APOBR: variants seen among roughly 807,000 people sequenced by gnomAD.
APOBR encodes apolipoprotein B receptor.
A neutral mutation model predicts 88.5 loss-of-function variants in APOBR; 57 were observed. That is an observed-to-expected ratio of 0.64 (90% CI 0.52 to 0.80). The LOEUF (loss-of-function observed/expected upper bound fraction) is 0.80, where lower values mean the gene tolerates loss of function less well. Ranked by LOEUF, APOBR falls within the 30% of genes least tolerant of loss-of-function variation. The probability of loss-of-function intolerance (pLI) is 0.00; values close to 1 mark genes in which losing one functional copy is unlikely to be tolerated. For synonymous variants in APOBR, 588 were observed against 572.7 expected (o/e 1.03, Z -0.38); for missense variants, 1,443 against 1,401.6 (o/e 1.03, Z -0.47).
Position 28,496,720 on chromosome 16 carries a change from A to C in APOBR, c.1679A>C (p.Lys560Thr). Residue 560 changes from lysine (K) to threonine (T), a missense_variant, in exon 2 of 4, where the codon AAA becomes ACA. Physicochemically the swap from Lys to Thr is moderately conservative, Grantham distance 78. Transcript: ENST00000564831. Reference sequence around the variant, plus strand: ...GGTGGCCTCACACACAGCGTCACCAAAGGCCAAGGACCTGAGCTGATGGGG... The same window carrying C: ...GGTGGCCTCACACACAGCGTCACCACAGGCCAAGGACCTGAGCTGATGGGG... ...EWGGLTHSVT[K>T]GQGPELMGGA... 6.3e-7 allele frequency: 1 copy of C among 1,599,946 alleles called. No individual in the cohort carries two copies. Among genetic ancestry groups the C allele is most frequent in the Non-Finnish European group, 8.5e-7 (1 of 1,173,756 alleles).
In APOBR at chr16:28,496,336, G is replaced by T. The variant is rs1431607020; in HGVS notation, c.1295G>T (p.Gly432Val). The part of the protein sequence containing the change: ...SPFPKQPQVL[G>V]TERTEEAAES... ...TTCCCCAAACAGCCCCAGGTCCTGG[G>T]CACTGAAAGAACAGAAGAGGCTGCT... is the stretch of plus-strand genomic sequence containing the variant. The change falls in exon 2 of 4, where the codon GGC (glycine) becomes GTC (valine). Residue 432 changes from glycine (G) to valine (V), a missense_variant. By Grantham distance (109) the Gly-to-Val change is moderately radical (BLOSUM62 -3). Coordinates refer to ENST00000564831, the MANE Select transcript of APOBR (RefSeq NM_018690.4). 1.0e-5 allele frequency: 16 copies of T among 1,588,548 alleles called. No homozygotes were observed. The highest frequency in any genetic ancestry group is 1.3e-5 in the Non-Finnish European group (15 of 1,167,878).
intron 1 of APOBR, 96 bp downstream of exon 1, chr16:28,494,834 TTC>T: frequency 8.2e-7 from 1 of 1,213,094 alleles, no homozygotes; most frequent in Non-Finnish European, 1.2e-6. Flanking sequence ...CCCCTCCTCC[TTC>T]TGATCTCCTC....
chr16:28,496,269 G>T lies in APOBR; in HGVS notation c.1228G>T (p.Glu410Ter). ...GGCTACTGGAAAAGTCTGGGTCCTA[G>T]AGGAGGAGGGGGATGAGGAGAGAGA... ...LEATGKVWVL[E>*]EEGDEEREAE... The change falls in exon 2 of 4, where the codon GAG becomes TAG. Residue 410 changes from glutamate (E) to a stop codon, truncating the protein, a stop_gained. Coordinates refer to ENST00000564831, the MANE Select transcript of APOBR (RefSeq NM_018690.4). LOFTEE classifies it high-confidence loss of function. 1 of 1,603,744 alleles carries T rather than the reference G, an allele frequency of 6.2e-7. No individual in the cohort carries two copies. Among genetic ancestry groups the T allele is most frequent in the Non-Finnish European group, 8.5e-7 (1 of 1,175,364 alleles).
Position 28,497,172 on chromosome 16 carries a change from G to A in APOBR, c.2131G>A (p.Ala711Thr), listed in dbSNP as rs755090031. The change falls in exon 2 of 4, where the codon GCA becomes ACA. Residue 711 changes from alanine (A) to threonine (T), a missense_variant. By Grantham distance (58) the Ala-to-Thr change is moderately conservative. Coordinates refer to ENST00000564831, the MANE Select transcript of APOBR (RefSeq NM_018690.4). Reference protein sequence around the residue: ...QELDGSTGADAGPCPSLGEAY... With the variant: ...QELDGSTGADTGPCPSLGEAY... ...GCTGGACGGAAGCACAGGGGCAGAC[G>A]CAGGGCCTTGCCCGTCACTGGGAGA... 1.4e-5 allele frequency: 22 copies of A among 1,602,686 alleles called. No homozygotes were observed. Among genetic ancestry groups the A allele is most frequent in the South Asian group, 5.6e-5 (5 of 88,886 alleles).
rs2046393555 is a variant in APOBR at position 28,496,429 on chromosome 16, T to TAGAC, written c.1389_1392dup (p.Leu465ArgfsTer5). 6.2e-7 allele frequency: 1 copy of TAGAC among 1,612,414 alleles called. No homozygotes were observed. Among genetic ancestry groups the TAGAC allele is most frequent in the Admixed American group, 1.7e-5 (1 of 59,838 alleles). On this transcript the variant is annotated frameshift_variant, in exon 2 of 4. Transcript: ENST00000564831. LOFTEE classifies it high-confidence loss of function. ...GCAGGGGAGAGCTTTGAGGGCCAGG[T>TAGAC]AGACCTGCGTGGTAAGGAGGCTGAG...
At chr16:28,494,840 TC>T in intron 1 of APOBR, 102 bp downstream of exon 1, 1 of 1,188,842 alleles carries the variant, frequency 8.4e-7, no homozygotes, top group Middle Eastern at 2.1e-4. Context: ...CTCCTTCTGA[TC>T]TCCTCAAACT....
At position 28,495,185 on chromosome 16, in the gene APOBR, G is replaced by A. The variant is rs747313630; in HGVS notation, c.144G>A (p.Gly48=). 14 of 1,569,588 alleles carry A rather than the reference G, an allele frequency of 8.9e-6. No individual in the cohort carries two copies. The African/African-American group carries it at 1.5e-4, about 17-fold the overall frequency. ...EREAQAAEEL[G]VVAVGKTGKI... is the part of the protein sequence containing the mutation. Reference sequence around the variant, plus strand: ...AGGCGCAGGCGGCTGAGGAACTGGGGGTGGTGGCGGTGGGAAAGACAGGGA... The same window carrying A: ...AGGCGCAGGCGGCTGAGGAACTGGGAGTGGTGGCGGTGGGAAAGACAGGGA... The change falls in exon 2 of 4, where the codon GGG becomes GGA. Residue 48 remains glycine (G), a synonymous_variant. Coordinates refer to ENST00000564831, the MANE Select transcript of APOBR (RefSeq NM_018690.4).
In APOBR at chr16:28,495,093, TC is replaced by T; in HGVS notation, c.58-4del. The T allele has an allele frequency of 6.7e-7, 1 of 1,494,842 alleles. No individual in the cohort carries two copies. The highest frequency in any genetic ancestry group is 2.4e-5 in the East Asian group (1 of 42,296). 92.6% of individuals were successfully genotyped at this position (1,494,842 alleles called of 1,614,324 possible). ...GACTCTCCCCTCTCTCTCTCTTTTT[TC>T]CTAGGATTCCCTCGGCACCTTTGTC... On this transcript the variant is annotated splice_polypyrimidine_tract_variant and splice_region_variant and intron_variant, in intron 1 of 3. Transcript: ENST00000564831.
Position 28,497,412 on chromosome 16 carries a change from G to C in APOBR, c.2371G>C (p.Asp791His). 6.2e-7 allele frequency: 1 copy of C among 1,613,520 alleles called. No homozygotes were observed. The highest frequency in any genetic ancestry group is 8.5e-7 in the Non-Finnish European group (1 of 1,179,670). ...ALEGVLGQGW[D>H]SKEKEEAAAG... is the part of the protein sequence containing the mutation. ...GGAAGGGGTGCTTGGGCAAGGCTGG[G>C]ACTCGAAAGAAAAGGAAGAGGCAGC... Residue 791 changes from aspartate (D) to histidine (H), a missense_variant, in exon 2 of 4, where the codon GAC becomes CAC. Coordinates refer to ENST00000564831, the MANE Select transcript of APOBR (RefSeq NM_018690.4).
chr16:28,498,946 G>A lies in APOBR; in HGVS notation c.*441G>A, dbSNP rs1227077682. Reference sequence around the variant, plus strand: ...AAAACAAAATAAAACAATAAAGACTGCAAGGAAGACTGAGGGAACAGCGAC... The same window carrying A: ...AAAACAAAATAAAACAATAAAGACTACAAGGAAGACTGAGGGAACAGCGAC... On this transcript the variant is annotated 3_prime_UTR_variant, in exon 4 of 4. Coordinates refer to ENST00000564831, the MANE Select transcript of APOBR (RefSeq NM_018690.4). 2 of 428,350 alleles carry A rather than the reference G, an allele frequency of 4.7e-6. No individual in the cohort carries two copies. Among genetic ancestry groups the A allele is most frequent in the Non-Finnish European group, 9.0e-6 (2 of 222,036 alleles). 26.5% of individuals were successfully genotyped at this position (428,350 alleles called of 1,614,324 possible). A position where few individuals can be genotyped will look rare whatever the true frequency, so the allele number is the denominator to read the frequency against.
rs768746201 is a variant in APOBR at position 28,498,472 on chromosome 16, G to A, written c.3261G>A (p.Leu1087=). 1.2e-5 allele frequency: 19 copies of A among 1,602,704 alleles called. No homozygotes were observed. Among genetic ancestry groups the A allele is most frequent in the Middle Eastern group, 1.7e-4 (1 of 6,044 alleles). ...CGCACCCTGGCATGATGCAGGAGCT[G>A]CAAGCCCGTCTGGGCCGGCCTAAGC... ...GLAHPGMMQE[L]QARLGRPKPQ is the part of the protein sequence containing the mutation. Residue 1087 remains leucine, a synonymous_variant, in exon 4 of 4, where the codon CTG becomes CTA. Transcript: ENST00000564831.
chr16:28,496,078 G>A lies in APOBR; in HGVS notation c.1037G>A (p.Gly346Glu), dbSNP rs1480626632. 2 of 762,144 alleles carry A rather than the reference G, an allele frequency of 2.6e-6. No homozygotes were observed. Among genetic ancestry groups the A allele is most frequent in the African/African-American group, 3.5e-5 (1 of 28,816 alleles). The allele number at this position is 762,144 out of a possible 1,614,324, so 47.2% of individuals were successfully genotyped here. ...GGGATAGCCTCAGGCGGGGAGGCTG[G>A]GACAGCCTCAGGAGGGGAGGAGGCC... is the stretch of plus-strand genomic sequence containing the variant. Reference protein sequence around the residue: ...EAGIASGGEAGTASGGEEAGT... With the variant: ...EAGIASGGEAETASGGEEAGT... Residue 346 changes from glycine (G) to glutamate (E), a missense_variant, in exon 2 of 4, where the codon GGG becomes GAG. By Grantham distance (98) the Gly-to-Glu change is moderately conservative. Transcript: ENST00000564831.
chr16:28,498,678 G>T lies in APOBR; in HGVS notation c.*173G>T. The T allele has an allele frequency of 2.7e-6, 2 of 744,184 alleles. No homozygotes were observed. The highest frequency in any genetic ancestry group is 2.1e-6 in the Non-Finnish European group (1 of 466,894). 46.1% of individuals were successfully genotyped at this position (744,184 alleles called of 1,614,324 possible). A position where few individuals can be genotyped will look rare whatever the true frequency, so the allele number is the denominator to read the frequency against. On this transcript the variant is annotated 3_prime_UTR_variant, in exon 4 of 4. Coordinates refer to ENST00000564831, the MANE Select transcript of APOBR (RefSeq NM_018690.4). ...GCAAAACCAGACGTCTGGGAAGACC[G>T]TGAACTTAAGGAGTCTGATTCTCCG...
rs61748351 is a variant in APOBR at position 28,495,290 on chromosome 16, G to A, written c.249G>A (p.Gly83=). The A allele has an allele frequency of 1.3e-3, 2,056 of 1,534,646 alleles. 25 individuals carry two copies. In the African/African-American group the frequency reaches 0.025, roughly 18 times the overall value. Residue 83 remains glycine (G), a synonymous_variant, in exon 2 of 4, where the codon GGG becomes GGA. Transcript: ENST00000564831. Reference sequence around the variant, plus strand: ...ACGAGGGGGCTGGAAGGCTGAGAGGGCCTGGAGATGACAGAAGACATGAAG... The same window carrying A: ...ACGAGGGGGCTGGAAGGCTGAGAGGACCTGGAGATGACAGAAGACATGAAG... ...SQNEGAGRLR[G]PGDDRRHEVG...
Position 28,498,061 on chromosome 16 carries a change from C to G in APOBR, c.2956-20C>G. 1 of 1,545,136 alleles carries G rather than the reference C, an allele frequency of 6.5e-7. No homozygotes were observed. Among genetic ancestry groups the G allele is most frequent in the Non-Finnish European group, 8.7e-7 (1 of 1,151,964 alleles). ...ATCCCGAAGCCGGCCCCATGGTCCTCTGTGCCCCCTTTCCTGCAGGCCCCG... is the reference window on the plus strand; with the variant it reads ...ATCCCGAAGCCGGCCCCATGGTCCTGTGTGCCCCCTTTCCTGCAGGCCCCG... On this transcript the variant is annotated intron_variant, in intron 2 of 3. Transcript: ENST00000564831.
rs1008958075 is a variant in APOBR at position 28,494,826 on chromosome 16, C to G, written c.57+88C>G. ...ACCTCCCCTGGGGCCTCACCTTTCC[C>G]CTCCTCCTTCTGATCTCCTCAAACT... is the stretch of plus-strand genomic sequence containing the variant. On this transcript the variant is annotated intron_variant, in intron 1 of 3. Coordinates refer to ENST00000564831, the MANE Select transcript of APOBR (RefSeq NM_018690.4). 3 of 1,267,512 alleles carry G rather than the reference C, an allele frequency of 2.4e-6. No individual in the cohort carries two copies. In the African/African-American group the frequency reaches 4.5e-5, roughly 19 times the overall value. 78.5% of individuals were successfully genotyped at this position (1,267,512 alleles called of 1,614,324 possible).
In APOBR at chr16:28,496,369, A is replaced by G. The variant is rs1390329388; in HGVS notation, c.1328A>G (p.Gln443Arg). 1.2e-5 allele frequency: 20 copies of G among 1,602,430 alleles called. No individual in the cohort carries two copies. Among genetic ancestry groups the G allele is most frequent in the Non-Finnish European group, 1.6e-5 (19 of 1,174,534 alleles). Residue 443 changes from glutamine (Q) to arginine (R), a missense_variant, in exon 2 of 4, where the codon CAG becomes CGG. Physicochemically the swap from Gln to Arg is conservative, Grantham distance 43 (BLOSUM62 1). Transcript: ENST00000564831. ...AGAACAGAAGAGGCTGCTGAGAGCC[A>G]GACCGCAGGGAGGGAAGCTGTGGGA... Reference protein sequence around the residue: ...TERTEEAAESQTAGREAVGGQ... With the variant: ...TERTEEAAESRTAGREAVGGQ...
In APOBR at chr16:28,498,632, GATGT is replaced by G; in HGVS notation, c.*130_*133del. On this transcript the variant is annotated 3_prime_UTR_variant, in exon 4 of 4. Transcript: ENST00000564831. Reference sequence around the variant, plus strand: ...TCCACCCTCTGGGCCTCAGTGTCTTGATGTATCATTCATGGAGCAGGCAAAACCA... The same window carrying G: ...TCCACCCTCTGGGCCTCAGTGTCTTGATCATTCATGGAGCAGGCAAAACCA... 1 of 1,107,310 alleles carries G rather than the reference GATGT, an allele frequency of 9.0e-7. No homozygotes were observed. The highest frequency in any genetic ancestry group is 1.5e-5 in the South Asian group (1 of 64,600). The allele number at this position is 1,107,310 out of a possible 1,614,324, so 68.6% of individuals were successfully genotyped here.
intron 3 of APOBR, 31 bp from the exon 4 acceptor site, chr16:28,498,405 C>T: frequency 6.3e-7 from 1 of 1,599,706 alleles, no homozygotes; most frequent in Non-Finnish European, 8.5e-7. Flanking sequence ...ACCTGGGAAC[C>T]TGTTCTCACG....
Sources: gnomAD v4.1 joint callset for allele counts on GRCh38, gnomAD v4.1.1 for gene constraint, MANE v1.5 for transcripts, NCBI Gene and HGNC (gene_info 2026-07-23, HGNC 2026-07-21) for gene names.